The following KALRN variants were observed in gnomAD, a reference collection of about 807,000 sequenced individuals.
The protein encoded by KALRN is kalirin.
KALRN carries 70 observed loss-of-function variants against 353.7 expected under a neutral mutation model. The observed-to-expected ratio is 0.20, with a 90% CI of 0.16 to 0.24. The LOEUF is 0.24. KALRN is among the 10% of genes least tolerant of loss of function. KALRN has a pLI of 1.00. For synonymous variants in KALRN, 1,391 were observed against 1,434.8 expected (o/e 0.97, Z 0.69); for missense variants, 2,791 against 3,756.7 (o/e 0.74, Z 6.72).
chr3:124,472,309 C>A (rs1184840274), intron 25 of KALRN, among the ~76,000 whole-genome samples: 1 of 152,140 alleles, frequency 6.6e-6, no homozygotes, highest in African/African-American at 2.4e-5. Flanking sequence ...GTATCCTTGC[C>A]ACTTCTGACA....
chr3:124,497,078 T>A (rs571084789), intron 33 of KALRN, among the ~76,000 whole-genome samples: 1 of 152,274 alleles, frequency 6.6e-6, no homozygotes, highest in South Asian at 2.1e-4. Flanking sequence ...CAAAAGTTAG[T>A]AGCTCTGATG....
chr3:124,491,254 C>T (rs943095503), intron 30 of KALRN, 69 bp from the exon 31 acceptor site: 2 of 1,088,370 alleles, frequency 1.8e-6, no homozygotes, highest in African/African-American at 1.6e-5. Flanking sequence ...CTTTCCCTTC[C>T]CACCCCAGCC....
chr3:124,400,680 G>T (rs927045123), intron 13 of KALRN, among the ~76,000 whole-genome samples: 4 of 152,124 alleles, frequency 2.6e-5, no homozygotes, highest in African/African-American at 7.2e-5. Context: ...GAGGGTATGG[G>T]TCATTATTCT....
rs556192195 is a variant in KALRN at position 124,721,216 on chromosome 3, C to T, written c.*1746C>T. ...TGGTTTCAAAGACAACTTCCTCATTCGCCCTCCACCTCATCCCATCCAAGA... is the reference window on the plus strand; with the variant it reads ...TGGTTTCAAAGACAACTTCCTCATTTGCCCTCCACCTCATCCCATCCAAGA... On this transcript the variant is annotated 3_prime_UTR_variant, in exon 60 of 60. Transcript: ENST00000682506. 16 of 152,042 alleles carry T rather than the reference C, an allele frequency of 1.1e-4. No homozygotes were observed. The South Asian group carries it at 1.3e-3, about 12-fold the overall frequency. 9.4% of individuals were successfully genotyped at this position (152,042 alleles called of 1,614,324 possible). A position where few individuals can be genotyped will look rare whatever the true frequency, so the allele number is the denominator to read the frequency against.
At chr3:124,286,527 A>G (rs1284122977) in intron 5 of KALRN, among the ~76,000 whole-genome samples, 1 of 152,176 alleles carries the variant, frequency 6.6e-6, no homozygotes, top group Non-Finnish European at 1.5e-5. Context: ...CTGGGATTAC[A>G]GGCATGAACC....
At chr3:124,377,786 A>G (rs1279854787) in intron 10 of KALRN, among the ~76,000 whole-genome samples, 2 of 152,184 alleles carry the variant, frequency 1.3e-5, no homozygotes, top group African/African-American at 2.4e-5. Flanking sequence ...ATCATTATCA[A>G]ATGATAATAT....
chr3:124,037,833 G>A (rs2039570755), intron 1 of KALRN, among the ~76,000 whole-genome samples: 1 of 152,168 alleles, frequency 6.6e-6, no homozygotes, highest in South Asian at 2.1e-4. Context: ...GACTGACAGT[G>A]TCTGACTGAT....
intron 10 of KALRN, among the ~76,000 whole-genome samples, chr3:124,369,203 A>T (rs1288701216): frequency 2.0e-5 from 3 of 152,266 alleles, no homozygotes; most frequent in Non-Finnish European, 4.4e-5. Flanking sequence ...TATATTTGTA[A>T]TGAAATTTAT....
At chr3:124,593,909 T>C (rs1297725734) in intron 34 of KALRN, among the ~76,000 whole-genome samples, 1 of 152,098 alleles carries the variant, frequency 6.6e-6, no homozygotes, top group Non-Finnish European at 1.5e-5. Context: ...CCCAGGCTGG[T>C]CTCTAACTCC....
At chr3:124,269,291 G>C (rs776346701) in intron 5 of KALRN, 36 bp downstream of exon 5, 13 of 1,542,258 alleles carry the variant, frequency 8.4e-6, no homozygotes, top group African/African-American at 4.1e-5. Context: ...AGCCGGGATG[G>C]GGGTGAGGGA....
chr3:124,139,705 C>G (rs932056763), intron 1 of KALRN, among the ~76,000 whole-genome samples: 5 of 152,102 alleles, frequency 3.3e-5, no homozygotes, highest in Non-Finnish European at 5.9e-5. Context: ...GCACTACACT[C>G]AAGGATTGGA....
chr3:124,450,310 C>G (rs983204711), intron 21 of KALRN, among the ~76,000 whole-genome samples: 1 of 152,022 alleles, frequency 6.6e-6, no homozygotes, highest in Non-Finnish European at 1.5e-5. Context: ...TAAGAAAATA[C>G]TTTTTTAAGC....
At chr3:124,166,920 C>T (rs1295521730) in intron 1 of KALRN, among the ~76,000 whole-genome samples, 3 of 152,006 alleles carry the variant, frequency 2.0e-5, no homozygotes, top group Non-Finnish European at 4.4e-5. Context: ...TGGTATGTGC[C>T]TGTAATCCCA....
At chr3:124,469,271 G>A (rs146645410) in intron 25 of KALRN, among the ~76,000 whole-genome samples, 14 of 152,318 alleles carry the variant, frequency 9.2e-5, no homozygotes, top group Admixed American at 2.6e-4. Context: ...CTGAATGGGC[G>A]TCCAGCCCTG....
chr3:124,490,148 C>T (rs1445643), intron 29 of KALRN, among the ~76,000 whole-genome samples: 45,830 of 151,714 alleles, frequency 0.3, 7,706 homozygotes, highest in East Asian at 0.49. Context: ...GACCCAGCTA[C>T]TTGGGAAGCT....
intron 1 of KALRN, among the ~76,000 whole-genome samples, chr3:124,187,631 G>A (rs1353403847): frequency 6.6e-6 from 1 of 152,196 alleles, no homozygotes. Flanking sequence ...AAACCCAGTT[G>A]TTTCTGAAAG....
chr3:124,717,604 G>A (rs1413381012), intron 59 of KALRN, among the ~76,000 whole-genome samples: 1 of 151,846 alleles, frequency 6.6e-6, no homozygotes, highest in African/African-American at 2.4e-5. Flanking sequence ...GCTGAGGCAG[G>A]AGAATGGCAT....
chr3:124,384,376 A>G (rs2149932876), intron 10 of KALRN, among the ~76,000 whole-genome samples: 1 of 152,312 alleles, frequency 6.6e-6, no homozygotes, highest in Non-Finnish European at 1.5e-5. Context: ...TTCCAAAAAG[A>G]TAAACACCAG....
intron 1 of KALRN, among the ~76,000 whole-genome samples, chr3:124,039,360 G>GTTATTTAGC (rs1430637792): frequency 6.6e-6 from 1 of 152,132 alleles, no homozygotes; most frequent in Non-Finnish European, 1.5e-5. Flanking sequence ...GTATTGTATT[G>GTTATTTAGC]TTATTTAGCC....
Sources: gnomAD v4.1 joint callset for allele counts (sites outside exome capture counted in the v4.1 genomes callset) on GRCh38, gnomAD v4.1.1 for gene constraint, MANE v1.5 for transcripts, NCBI Gene and HGNC (gene_info 2026-07-23, HGNC 2026-07-21) for gene names.